Variants in HOOK3 observed in about 807,000 individuals in gnomAD.
The protein encoded by HOOK3 is protein Hook homolog 3.
In HOOK3, 24 loss-of-function variants were observed where a neutral mutation model predicts 116.3. The observed-to-expected ratio is 0.21, with a 90% CI of 0.15 to 0.29. The LOEUF is 0.29. Among genes scored for constraint, HOOK3 ranks in the 10% least tolerant of loss-of-function variants. The pLI is 1.00. For synonymous variants in HOOK3, 275 were observed against 283.0 expected (o/e 0.97, Z 0.28); for missense variants, 632 against 830.2 (o/e 0.76, Z 2.93).
At chr8:42,907,163 G>A (rs550533522) in intron 2 of HOOK3, among the ~76,000 whole-genome samples, 1 of 152,284 alleles carries the variant, frequency 6.6e-6, no homozygotes, top group South Asian at 2.1e-4. Context: ...CTGAACACTT[G>A]TCAGCCTGAT....
intron 2 of HOOK3, among the ~76,000 whole-genome samples, chr8:42,919,293 A>G (rs1401235161): frequency 6.7e-6 from 1 of 148,234 alleles, no homozygotes; most frequent in African/African-American, 2.5e-5. Flanking sequence ...GACGCTCCTC[A>G]CCTCCCAGAC....
chr8:42,902,151 C>T (rs1319728026), intron 1 of HOOK3, among the ~76,000 whole-genome samples: 1 of 152,126 alleles, frequency 6.6e-6, no homozygotes, highest in African/African-American at 2.4e-5. Flanking sequence ...TTCCAAATGC[C>T]AAACCAGTGC....
chr8:42,919,564 C>A (rs1186521505), intron 2 of HOOK3, among the ~76,000 whole-genome samples: 1 of 152,196 alleles, frequency 6.6e-6, no homozygotes, highest in Non-Finnish European at 1.5e-5. Context: ...AGGCTGCAAT[C>A]TCGGCATTTT....
chr8:42,924,708 C>T (rs1414676499), intron 2 of HOOK3, among the ~76,000 whole-genome samples: 1 of 152,074 alleles, frequency 6.6e-6, no homozygotes, highest in Non-Finnish European at 1.5e-5. Flanking sequence ...GGTGATGGCT[C>T]ACGCCTGTAA....
chr8:42,914,450 A>G (rs558817538), intron 2 of HOOK3, among the ~76,000 whole-genome samples: 4 of 152,162 alleles, frequency 2.6e-5, no homozygotes, highest in South Asian at 4.1e-4. Context: ...TCTGTTTTCT[A>G]TTTACCACTA....
intron 13 of HOOK3, among the ~76,000 whole-genome samples, chr8:42,976,040 ATG>A (rs10675533): frequency 0.026 from 3,803 of 148,740 alleles, 146 homozygotes; most frequent in African/African-American, 0.085. Flanking sequence ...GTATATATAT[ATG>A]TGTGTGTGTG....
chr8:42,958,906 T>G (rs771197695), intron 7 of HOOK3, among the ~76,000 whole-genome samples: 19 of 152,166 alleles, frequency 1.2e-4, no homozygotes, highest in Non-Finnish European at 2.2e-4. Flanking sequence ...ACATACATAT[T>G]TTATGAAGGT....
chr8:43,016,869 T>C (rs1421658478), intron 21 of HOOK3, among the ~76,000 whole-genome samples: 17 of 152,166 alleles, frequency 1.1e-4, no homozygotes, highest in Admixed American at 1.1e-3. Context: ...TAGACTGAAA[T>C]TGTATTAAAA....
At chr8:42,968,404 A>G (rs1286190276) in intron 11 of HOOK3, among the ~76,000 whole-genome samples, 190 bp downstream of exon 11, 1 of 152,214 alleles carries the variant, frequency 6.6e-6, no homozygotes. Flanking sequence ...ATCTCAGCTC[A>G]CTGCAACCTC....
intron 17 of HOOK3, among the ~76,000 whole-genome samples, chr8:43,006,803 G>T (rs901052760): frequency 1.3e-5 from 2 of 152,080 alleles, no homozygotes; most frequent in Admixed American, 6.6e-5. Flanking sequence ...TCAGAAAGAC[G>T]TAAAGTGCTT....
intron 2 of HOOK3, among the ~76,000 whole-genome samples, chr8:42,922,846 C>T (rs1215391760): frequency 6.6e-6 from 1 of 150,972 alleles, no homozygotes; most frequent in African/African-American, 2.4e-5. Flanking sequence ...TGTCACTGCA[C>T]CCCAGCCTGG....
intron 2 of HOOK3, among the ~76,000 whole-genome samples, chr8:42,918,820 T>A (rs1373401807): frequency 6.6e-6 from 1 of 152,278 alleles, no homozygotes; most frequent in African/African-American, 2.4e-5. Flanking sequence ...CTCCTATGTC[T>A]ACTTCTACAC....
chr8:42,936,637 A>G (rs1319856128), intron 4 of HOOK3, among the ~76,000 whole-genome samples: 2 of 152,136 alleles, frequency 1.3e-5, no homozygotes, highest in East Asian at 3.8e-4. Context: ...TTCTGCATCT[A>G]TTGAGATAAT....
rs201913565 is a variant in HOOK3, at chr8:42,966,505, G to A, written c.812G>A (p.Arg271His). The change falls in exon 10 of 22, where the codon CGT becomes CAT. Residue 271 changes from arginine to histidine, a missense_variant. Transcript: ENST00000307602. ...GCAGCCAAAGATGATTATCGAATAC[G>A]TTGTGAAGAGTTAGAAAAGGAGATC... ...LEAAKDDYRIRCEELEKEISE... is the reference protein window; with the variant it reads ...LEAAKDDYRIHCEELEKEISE... The A allele has an allele frequency of 1.9e-5, 31 of 1,614,082 alleles. No homozygotes were observed. The East Asian group carries it at 5.1e-4, about 27-fold the overall frequency.
chr8:42,982,527 A>G, intron 13 of HOOK3, 100 bp from the exon 14 acceptor site: 1 of 779,142 alleles, frequency 1.3e-6, no homozygotes, highest in South Asian at 1.4e-5. Flanking sequence ...CTTGAAAATG[A>G]TTTTTGCTGT....
chr8:42,899,787 A>G (rs1459124638), intron 1 of HOOK3, among the ~76,000 whole-genome samples: 2 of 152,254 alleles, frequency 1.3e-5, no homozygotes, highest in East Asian at 1.9e-4. Flanking sequence ...GTGACAGACA[A>G]GATCTAAGAG....
intron 4 of HOOK3, among the ~76,000 whole-genome samples, chr8:42,939,849 G>A (rs562574931): frequency 9.2e-4 from 139 of 151,822 alleles, no homozygotes; most frequent in South Asian, 2.9e-3. Flanking sequence ...CGGACGGGGC[G>A]GCAGGGCAGA....
intron 15 of HOOK3, among the ~76,000 whole-genome samples, chr8:42,992,919 C>T (rs373381117): frequency 6.6e-6 from 1 of 151,958 alleles, no homozygotes. Context: ...CAGTTTTTCC[C>T]CATTCAGTAT....
intron 17 of HOOK3, among the ~76,000 whole-genome samples, chr8:43,002,372 G>T (rs899387525): frequency 6.6e-6 from 1 of 152,176 alleles, no homozygotes; most frequent in Non-Finnish European, 1.5e-5. Context: ...TTCTGTCTTT[G>T]TGATAATCAT....
Sources: allele counts gnomAD v4.1 joint callset (sites outside exome capture counted in the v4.1 genomes callset), GRCh38; gene constraint gnomAD v4.1.1; transcripts MANE v1.5; gene names NCBI Gene and HGNC (gene_info 2026-07-23, HGNC 2026-07-21).